The following DPY19L3 variants were observed in gnomAD, a reference collection of about 807,000 sequenced individuals.
The protein encoded by DPY19L3 is protein C-mannosyl-transferase DPY19L3.
A neutral mutation model predicts 92.3 loss-of-function variants in DPY19L3; 51 were observed. The observed-to-expected ratio is 0.55, with a 90% confidence interval of 0.44 to 0.70. The LOEUF (loss-of-function observed/expected upper bound fraction) is 0.70. Ranked by LOEUF, DPY19L3 falls within the 30% of genes least tolerant of loss-of-function variation. DPY19L3 has a pLI of 0.00. For missense variants in DPY19L3, 706 were observed against 855.9 expected (o/e 0.82, Z 2.18); for synonymous variants, 309 against 315.2 (o/e 0.98, Z 0.21).
chr19:32,472,442 C>G (rs1970385869), intron 16 of DPY19L3, among the ~76,000 whole-genome samples: 1 of 152,096 alleles, frequency 6.6e-6, no homozygotes, highest in Non-Finnish European at 1.5e-5. Flanking sequence ...GCATTGCATG[C>G]CTTGTTTTCA....
rs148871302 is a variant in DPY19L3, at chr19:32,468,788, A to G, written c.1672A>G (p.Thr558Ala). 6.2e-7 allele frequency: 1 copy of G among 1,613,916 alleles called. No individual in the cohort carries two copies. Among genetic ancestry groups the G allele is most frequent in the African/African-American group, 1.3e-5 (1 of 75,050 alleles). Residue 558 changes from threonine to alanine, a missense_variant, in exon 16 of 19, where the codon ACA becomes GCA. Transcript: ENST00000392250. Reference protein sequence around the residue: ...SELREFYDPDTVELMNWINSN... With the variant: ...SELREFYDPDAVELMNWINSN... ...GTTGAGAGAATTCTATGATCCAGAT[A>G]CAGTGGAGCTGATGAACTGGATTAA...
At chr19:32,430,902 T>C (rs1968944185) in intron 3 of DPY19L3, among the ~76,000 whole-genome samples, 1 of 151,572 alleles carries the variant, frequency 6.6e-6, no homozygotes, top group Non-Finnish European at 1.5e-5. Context: ...TGCATGGCTA[T>C]AGGCATGAGC....
At chr19:32,456,034 GA>G (rs1170395708) in intron 10 of DPY19L3, among the ~76,000 whole-genome samples, 3 of 141,730 alleles carry the variant, frequency 2.1e-5, no homozygotes, top group East Asian at 4.2e-4. Context: ...GACTATCAAA[GA>G]AAAAAAAGAC....
At position 32,464,750 on chromosome 19, in the gene DPY19L3, T is replaced by G. The variant is rs1970150671; in HGVS notation, c.1580T>G (p.Val527Gly). The G allele has an allele frequency of 6.5e-7, 1 of 1,528,038 alleles. No homozygotes were observed. The highest frequency in any genetic ancestry group is 1.2e-5 in the South Asian group (1 of 82,292). The allele number at this position is 1,528,038 out of a possible 1,614,324, so 94.7% of individuals were successfully genotyped here. A position where few individuals can be genotyped will look rare whatever the true frequency, so the allele number is the denominator to read the frequency against. ...TAGATATGTATAATGCGATATTCAG[T>G]ACCGATATTAATACTGCTGTATCTA... Reference protein sequence around the residue: ...PKRICIMRYSVPILILLYLCY... With the variant: ...PKRICIMRYSGPILILLYLCY... The change falls in exon 15 of 19, where the codon GTA (valine) becomes GGA (glycine). Residue 527 changes from valine to glycine, a missense_variant. Physicochemically the swap from Val to Gly is moderately radical, Grantham distance 109 (BLOSUM62 -3). Coordinates refer to ENST00000392250, the MANE Select transcript of DPY19L3 (RefSeq NM_001172774.2).
intron 15 of DPY19L3, chr19:32,467,847 A>AT (rs1363860908): frequency 1.0e-6 from 1 of 982,656 alleles, no homozygotes; most frequent in Non-Finnish European, 1.2e-6. Context: ...TGGACTTAAG[A>AT]TATTAGATAA....
chr19:32,444,255 A>G (rs1969416716), intron 8 of DPY19L3, among the ~76,000 whole-genome samples: 1 of 152,204 alleles, frequency 6.6e-6, no homozygotes, highest in African/African-American at 2.4e-5. Context: ...GAAGTAGAAG[A>G]TACAAAGAAG....
intron 8 of DPY19L3, among the ~76,000 whole-genome samples, chr19:32,452,507 A>G (rs1969734844): frequency 6.6e-6 from 1 of 152,238 alleles, no homozygotes; most frequent in African/African-American, 2.4e-5. Context: ...CAGTAACTGA[A>G]ATCATTGAAA....
At chr19:32,468,576 G>A in intron 15 of DPY19L3, 155 bp from the exon 16 acceptor site, 1 of 1,323,860 alleles carries the variant, frequency 7.6e-7, no homozygotes. Flanking sequence ...GTATTAGGAG[G>A]GTTGCTGCAG....
intron 2 of DPY19L3, among the ~76,000 whole-genome samples, chr19:32,409,033 A>C (rs964959428): frequency 6.6e-6 from 1 of 152,226 alleles, no homozygotes; most frequent in African/African-American, 2.4e-5. Context: ...AGCCATGTTA[A>C]TTCTTACCAG....
At chr19:32,463,671 A>T (rs897014742) in intron 13 of DPY19L3, among the ~76,000 whole-genome samples, 183 bp downstream of exon 13, 1 of 152,246 alleles carries the variant, frequency 6.6e-6, no homozygotes, top group African/African-American at 2.4e-5. Context: ...AATTACAAAC[A>T]CGCCTCTATG....
chr19:32,409,848 A>G (rs1034468863), intron 2 of DPY19L3, among the ~76,000 whole-genome samples: 1 of 152,196 alleles, frequency 6.6e-6, no homozygotes, highest in Non-Finnish European at 1.5e-5. Flanking sequence ...CTCTGGTTCC[A>G]TCACCACACC....
chr19:32,458,540 C>A, intron 12 of DPY19L3, 31 bp downstream of exon 12: 1 of 1,579,714 alleles, frequency 6.3e-7, no homozygotes, highest in South Asian at 1.2e-5. Flanking sequence ...CTAATGCTCT[C>A]CTTTAATGAA....
chr19:32,431,937 G>T (rs1411295030), intron 3 of DPY19L3, among the ~76,000 whole-genome samples: 1 of 152,082 alleles, frequency 6.6e-6, no homozygotes, highest in Admixed American at 6.6e-5. Flanking sequence ...CACTTTCAGG[G>T]TAACTTGTGT....
intron 1 of DPY19L3, among the ~76,000 whole-genome samples, chr19:32,407,178 C>G (rs2145374411): frequency 6.6e-6 from 1 of 151,838 alleles, no homozygotes; most frequent in East Asian, 1.9e-4. Context: ...AGGAGTGAAG[C>G]AAGATGTTCT....
intron 8 of DPY19L3, among the ~76,000 whole-genome samples, chr19:32,445,554 G>A (rs1206863070): frequency 3.3e-5 from 5 of 151,136 alleles, no homozygotes; most frequent in Non-Finnish European, 1.5e-5. Flanking sequence ...AATATTGCCA[G>A]CAGTCCTACC....
chr19:32,464,895 A>G (rs969460097), intron 15 of DPY19L3, 111 bp downstream of exon 15: 3 of 543,310 alleles, frequency 5.5e-6, no homozygotes, highest in African/African-American at 3.9e-5. Context: ...TGAAGGTTAT[A>G]AATACCTCCT....
intron 16 of DPY19L3, among the ~76,000 whole-genome samples, chr19:32,474,215 G>A (rs568106882): frequency 6.6e-6 from 1 of 152,228 alleles, no homozygotes; most frequent in Admixed American, 6.5e-5. Flanking sequence ...GATGATTGTG[G>A]CACTAACACA....
At chr19:32,444,935 T>G (rs1304638000) in intron 8 of DPY19L3, among the ~76,000 whole-genome samples, 1 of 151,146 alleles carries the variant, frequency 6.6e-6, no homozygotes, top group Non-Finnish European at 1.5e-5. Flanking sequence ...ATAATAATAA[T>G]AAAATGATTA....
chr19:32,460,166 A>C (rs2050613438), intron 12 of DPY19L3, among the ~76,000 whole-genome samples: 1 of 152,046 alleles, frequency 6.6e-6, no homozygotes. Flanking sequence ...GTGCTTTGGG[A>C]GGTTGAGAAG....
Sources: gnomAD v4.1 joint callset for allele counts (sites outside exome capture counted in the v4.1 genomes callset) on GRCh38, gnomAD v4.1.1 for gene constraint, MANE v1.5 for transcripts, NCBI Gene and HGNC (gene_info 2026-07-23, HGNC 2026-07-21) for gene names.